ANKIB1: variants seen among roughly 807,000 people sequenced by gnomAD.
ANKIB1 encodes the protein ankyrin repeat and IBR domain containing 1, also known as ankyrin repeat and IBR domain-containing protein 1.
A neutral mutation model predicts 122.1 loss-of-function variants in ANKIB1; 43 were observed. That is an observed-to-expected ratio of 0.35 (90% confidence interval 0.28 to 0.45). ANKIB1 has a LOEUF of 0.45. Ranked by LOEUF, ANKIB1 falls within the 20% of genes least tolerant of loss-of-function variation. The probability of loss-of-function intolerance (pLI) is 1.00; values close to 1 mark genes in which losing one functional copy is unlikely to be tolerated. For missense variants in ANKIB1, 992 were observed against 1,329.5 expected, an observed-to-expected ratio of 0.75 and a Z score of 3.95; for synonymous variants, 390 against 442.0, an observed-to-expected ratio of 0.88 and a Z score of 1.48.
intron 1 of ANKIB1, among the ~76,000 whole-genome samples, chr7:92,286,127 T>A (rs1452327325): frequency 6.6e-6 from 1 of 152,218 alleles, no homozygotes; most frequent in African/African-American, 2.4e-5. Context: ...GCCATTCTCC[T>A]TATTTTTCTC....
Position 92,289,215 on chromosome 7 carries a change from A to G in ANKIB1, c.-90-5674A>G, listed in dbSNP as rs114722800. 2.7e-3 allele frequency among the ~76,000 whole-genome samples: 414 copies of G among 152,350 alleles called. 3 individuals are homozygous for G. The highest frequency in any genetic ancestry group is 9.6e-3 in the African/African-American group (400 of 41,584). ...TTGAACTATTGATTTATGTATCAAC[A>G]TGGATAAATCTTAGTGCATTTTGCT... is the stretch of plus-strand genomic sequence containing the variant. On this transcript the variant is annotated intron_variant, in intron 1 of 19. Coordinates refer to ENST00000265742, the MANE Select transcript of ANKIB1 (RefSeq NM_019004.2).
intron 1 of ANKIB1, among the ~76,000 whole-genome samples, chr7:92,250,076 G>A (rs909489594): frequency 1.3e-5 from 2 of 152,032 alleles, no homozygotes; most frequent in African/African-American, 4.8e-5. Context: ...ATTTCATAAG[G>A]TACTAGTATA....
chr7:92,308,092 C>T (rs1204294069), intron 3 of ANKIB1, among the ~76,000 whole-genome samples: 2 of 151,700 alleles, frequency 1.3e-5, no homozygotes, highest in Non-Finnish European at 2.9e-5. Flanking sequence ...GGATGGTCTC[C>T]ATCTCTTGAC....
chr7:92,389,443 C>T (rs1226667669), intron 14 of ANKIB1, among the ~76,000 whole-genome samples: 1 of 151,838 alleles, frequency 6.6e-6, no homozygotes, highest in Non-Finnish European at 1.5e-5. Context: ...CTTCCTCATT[C>T]TTCCTCCCCT....
chr7:92,268,817 C>G (rs796861835), intron 1 of ANKIB1, among the ~76,000 whole-genome samples: 28 of 152,328 alleles, frequency 1.8e-4, no homozygotes, highest in African/African-American at 6.3e-4. Flanking sequence ...AACACTACCA[C>G]AATGGACTAG....
In ANKIB1 at chr7:92,246,504, A is replaced by G. The variant is rs1487925947; in HGVS notation, c.-106A>G. On this transcript the variant is annotated 5_prime_UTR_variant, in exon 1 of 20. Transcript: ENST00000265742. ...GCTGGGTCCACCGACCCTTACCCTC[A>G]GCGAGAGAAGTAACCGTAAGTCTCA... is the stretch of plus-strand genomic sequence containing the variant. 1.9e-6 allele frequency: 1 copy of G among 518,484 alleles called. No homozygotes were observed. Among genetic ancestry groups the G allele is most frequent in the Non-Finnish European group, 3.8e-6 (1 of 259,810 alleles). The allele number at this position is 518,484 out of a possible 1,614,324, so 32.1% of individuals were successfully genotyped here. A position where few individuals can be genotyped will look rare whatever the true frequency, so the allele number is the denominator to read the frequency against.
intron 3 of ANKIB1, among the ~76,000 whole-genome samples, chr7:92,318,409 G>A (rs758659480): frequency 1.3e-5 from 2 of 151,912 alleles, no homozygotes; most frequent in East Asian, 1.9e-4. Flanking sequence ...CCAGCTACTC[G>A]GGAGGCTGAG....
intron 5 of ANKIB1, among the ~76,000 whole-genome samples, chr7:92,330,744 A>G (rs1191306812): frequency 6.6e-6 from 1 of 152,180 alleles, no homozygotes; most frequent in Non-Finnish European, 1.5e-5. Context: ...TAGGAGGCTG[A>G]GGCAGGAGAA....
chr7:92,329,744 C>T (rs1208052922), intron 5 of ANKIB1, among the ~76,000 whole-genome samples: 1 of 152,092 alleles, frequency 6.6e-6, no homozygotes, highest in Non-Finnish European at 1.5e-5. Context: ...TATATTTGAC[C>T]ACAGTCCCAT....
intron 3 of ANKIB1, among the ~76,000 whole-genome samples, chr7:92,309,942 A>AATATATATATATATATAT (rs1162113763): frequency 3.3e-5 from 3 of 91,766 alleles, no homozygotes; most frequent in East Asian, 4.6e-4. Context: ...AAAAAAAAAA[A>AATATATATATATATATAT]ATATATATAT....
In ANKIB1 at chr7:92,330,931, C is replaced by G. The variant is rs186241483; in HGVS notation, c.787+3031C>G. Reference sequence around the variant, plus strand: ...ATAATGTAAAAAACTTATACAGAAACACAAAATACTTTAAATTGTGTTTCA... The same window carrying G: ...ATAATGTAAAAAACTTATACAGAAAGACAAAATACTTTAAATTGTGTTTCA... On this transcript the variant is annotated intron_variant, in intron 5 of 19. Coordinates refer to ENST00000265742, the MANE Select transcript of ANKIB1 (RefSeq NM_019004.2). 6.6e-5 allele frequency among the ~76,000 whole-genome samples: 10 copies of G among 152,234 alleles called. No homozygotes were observed. In the East Asian group the frequency reaches 1.5e-3, roughly 24 times the overall value.
At chr7:92,366,260 T>G (rs1804081514) in intron 10 of ANKIB1, among the ~76,000 whole-genome samples, 1 of 152,148 alleles carries the variant, frequency 6.6e-6, no homozygotes, top group Admixed American at 6.5e-5. Flanking sequence ...CTGAGGCAAG[T>G]TAGCATCTCC....
At chr7:92,363,877 T>TAATGAAAGAGATTCCTTTC (rs2115610365) in intron 10 of ANKIB1, among the ~76,000 whole-genome samples, 1 of 152,366 alleles carries the variant, frequency 6.6e-6, no homozygotes, top group African/African-American at 2.4e-5. Flanking sequence ...TATTAGTTGA[T>TAATGAAAGAGATTCCTTTC]AATGAAAGAG....
chr7:92,398,138 A>C (rs926250184), intron 19 of ANKIB1, 74 bp from the exon 20 acceptor site: 12 of 1,433,384 alleles, frequency 8.4e-6, no homozygotes, highest in Admixed American at 5.2e-5. Context: ...TAAAGGAAGA[A>C]TGGTAAACCT....
At chr7:92,256,176 A>G (rs1801440993) in intron 1 of ANKIB1, among the ~76,000 whole-genome samples, 1 of 152,190 alleles carries the variant, frequency 6.6e-6, no homozygotes, top group Non-Finnish European at 1.5e-5. Flanking sequence ...AAGAGGAGAC[A>G]ACATTCTAGG....
chr7:92,273,038 T>TA (rs1006199980), intron 1 of ANKIB1, among the ~76,000 whole-genome samples: 4 of 152,328 alleles, frequency 2.6e-5, no homozygotes, highest in Admixed American at 2.0e-4. Flanking sequence ...GTACTCTATA[T>TA]AAGTACAGTA....
At chr7:92,394,278 G>T (rs967012706) in intron 17 of ANKIB1, among the ~76,000 whole-genome samples, 1 of 152,118 alleles carries the variant, frequency 6.6e-6, no homozygotes, top group Admixed American at 6.5e-5. Flanking sequence ...GTAAATCCTA[G>T]AACTTTTTAG....
At chr7:92,286,550 G>A (rs1248052424) in intron 1 of ANKIB1, among the ~76,000 whole-genome samples, 1 of 151,282 alleles carries the variant, frequency 6.6e-6, no homozygotes, top group Non-Finnish European at 1.5e-5. Context: ...CACGGTCGCA[G>A]CTCACTGCAA....
At chr7:92,379,426 A>C (rs1258498004) in intron 11 of ANKIB1, among the ~76,000 whole-genome samples, 1 of 152,180 alleles carries the variant, frequency 6.6e-6, no homozygotes, top group African/African-American at 2.4e-5. Flanking sequence ...CGGCGGGATT[A>C]AGGGGAAGCA....
Sources: allele counts gnomAD v4.1 joint callset (sites outside exome capture counted in the v4.1 genomes callset), GRCh38; gene constraint gnomAD v4.1.1; transcripts MANE v1.5; gene names NCBI Gene and HGNC (gene_info 2026-07-23, HGNC 2026-07-21).